BTG4: variants seen among roughly 807,000 people sequenced by gnomAD.
The protein encoded by BTG4 is protein BTG4.
BTG4 carries 10 observed loss-of-function variants against 19.3 expected under a neutral mutation model. The ratio of observed to expected loss-of-function variants is 0.52; its 90% CI spans 0.32 to 0.88. BTG4 has a LOEUF of 0.88. Among genes scored for constraint, BTG4 ranks in the 40% least tolerant of loss-of-function variants. The pLI is 0.04. For missense variants in BTG4, 238 were observed against 281.9 expected, an observed-to-expected ratio of 0.84 and a Z score of 1.11; for synonymous variants, 91 against 95.7, an observed-to-expected ratio of 0.95 and a Z score of 0.29.
chr11:111,423,810 T>TA, the BTG4 span, among the ~76,000 whole-genome samples: 1 of 152,090 alleles, frequency 6.6e-6, no homozygotes, highest in Non-Finnish European at 1.5e-5. Context: ...TCCTTACACA[T>TA]AAAGACCACT....
chr11:111,441,685 T>C, the BTG4 span, among the ~76,000 whole-genome samples: 1 of 152,208 alleles, frequency 6.6e-6, no homozygotes, highest in Non-Finnish European at 1.5e-5. Flanking sequence ...TCCTTGTTAT[T>C]GACTTGAATG....
intron 1 of BTG4, among the ~76,000 whole-genome samples, chr11:111,507,294 G>A (rs1866523749): frequency 6.6e-6 from 1 of 152,170 alleles, no homozygotes; most frequent in Admixed American, 6.5e-5. Context: ...TTCTTCAGCT[G>A]TGCAGACTAC....
the BTG4 span, among the ~76,000 whole-genome samples, chr11:111,406,586 G>A: frequency 1.7e-4 from 26 of 152,204 alleles, no homozygotes; most frequent in Middle Eastern, 0.01. Flanking sequence ...ACTATTCCCT[G>A]GGGGAAAAAA....
the BTG4 span, among the ~76,000 whole-genome samples, chr11:111,441,552 T>A: frequency 6.6e-6 from 1 of 152,244 alleles, no homozygotes; most frequent in Non-Finnish European, 1.5e-5. Flanking sequence ...ACGGATTGAC[T>A]TCTCTGTCCT....
At chr11:111,454,512 T>C in the BTG4 span, among the ~76,000 whole-genome samples, 1 of 152,028 alleles carries the variant, frequency 6.6e-6, no homozygotes, top group African/African-American at 2.4e-5. Context: ...GGAGAGTATA[T>C]GGGAAGGGGA....
the BTG4 span, among the ~76,000 whole-genome samples, chr11:111,443,906 A>G: frequency 1.3e-5 from 2 of 152,230 alleles, no homozygotes; most frequent in African/African-American, 4.8e-5. Flanking sequence ...GTGAGTATTT[A>G]AAACAGTGCA....
chr11:111,439,081 C>T, the BTG4 span, among the ~76,000 whole-genome samples: 27 of 152,348 alleles, frequency 1.8e-4, no homozygotes, highest in African/African-American at 4.6e-4. Context: ...TAAGCCTCTG[C>T]GGTTGGGACC....
the BTG4 span, among the ~76,000 whole-genome samples, chr11:111,421,887 T>C: frequency 9.6e-3 from 1,461 of 151,500 alleles, 19 homozygotes; most frequent in African/African-American, 0.034. Flanking sequence ...CACTCCAGCC[T>C]GGGCAACAGA....
At chr11:111,401,067 A>AAACC in the BTG4 span, 1 of 131,140 alleles carries the variant, frequency 7.6e-6, no homozygotes, top group Non-Finnish European at 1.6e-5. Context: ...AAAAAAAAAA[A>AAACC]AAAAAAAAAA....
chr11:111,470,199 G>A (rs537688847), intron 5 of BTG4, among the ~76,000 whole-genome samples: 7 of 152,212 alleles, frequency 4.6e-5, no homozygotes, highest in East Asian at 1.9e-4. Context: ...GAGCTTAAGC[G>A]ATCCTCCCAT....
the BTG4 span, among the ~76,000 whole-genome samples, chr11:111,444,919 A>G: frequency 2.0e-5 from 3 of 152,312 alleles, no homozygotes; most frequent in East Asian, 3.9e-4. Flanking sequence ...CTCCAAGGCA[A>G]CGGTCAACCA....
chr11:111,466,732 C>G (rs1245900619), downstream of BTG4: 1 of 152,640 alleles, frequency 6.6e-6, no homozygotes, highest in African/African-American at 2.4e-5. Context: ...CTCCTGATCT[C>G]TGTAGACCCA....
chr11:111,472,509 C>T (rs1250726730), intron 5 of BTG4, among the ~76,000 whole-genome samples: 3 of 152,196 alleles, frequency 2.0e-5, no homozygotes, highest in African/African-American at 7.2e-5. Flanking sequence ...GTGCATGGGA[C>T]AGCTCCCAGA....
At chr11:111,451,584 G>A in the BTG4 span, among the ~76,000 whole-genome samples, 2 of 152,142 alleles carry the variant, frequency 1.3e-5, no homozygotes, top group African/African-American at 4.8e-5. Flanking sequence ...GACCAACATG[G>A]AGAAACCCTG....
the BTG4 span, among the ~76,000 whole-genome samples, chr11:111,404,100 G>A: frequency 6.6e-6 from 1 of 151,902 alleles, no homozygotes; most frequent in Admixed American, 6.6e-5. Flanking sequence ...GTTCTCATGA[G>A]AGTGAATAAG....
chr11:111,454,986 T>G, the BTG4 span: 2 of 456,448 alleles, frequency 4.4e-6, no homozygotes, highest in Non-Finnish European at 8.8e-6. Flanking sequence ...ACCTTAAACT[T>G]CTGGGTGAAG....
At chr11:111,463,664 G>T (rs1367686844), downstream of BTG4, among the ~76,000 whole-genome samples, 2 of 152,202 alleles carry the variant, frequency 1.3e-5, no homozygotes, top group Non-Finnish European at 2.9e-5. Context: ...TGTAAGAAAT[G>T]ACCCTAAAAT....
the BTG4 span, among the ~76,000 whole-genome samples, chr11:111,440,148 G>A: frequency 6.6e-6 from 1 of 152,090 alleles, no homozygotes; most frequent in Admixed American, 6.6e-5. Context: ...TGGCTAAAAG[G>A]CTTGGCTCAG....
chr11:111,461,650 G>A, the BTG4 span, among the ~76,000 whole-genome samples: 5 of 145,974 alleles, frequency 3.4e-5, no homozygotes, highest in Non-Finnish European at 1.5e-5. Flanking sequence ...GGAGGCAGAG[G>A]TTGCAGTGAG....
Sources: allele counts gnomAD v4.1 joint callset (sites outside exome capture counted in the v4.1 genomes callset), GRCh38; gene constraint gnomAD v4.1.1; transcripts MANE v1.5; gene names NCBI Gene and HGNC (gene_info 2026-07-23, HGNC 2026-07-21).